Variants in COX16 observed in about 807,000 individuals in gnomAD.
COX16 encodes the protein cytochrome c oxidase assembly factor COX16.
In COX16, 12 loss-of-function variants were observed where a neutral mutation model predicts 15.4. The observed-to-expected ratio is 0.78, with a 90% CI of 0.50 to 1.26. The LOEUF is 1.26. Among genes scored for constraint, COX16 ranks in the 50% most tolerant of loss-of-function variants. COX16 has a pLI of 0.00. For missense variants in COX16, 124 were observed against 127.6 expected (o/e 0.97, Z 0.14); for synonymous variants, 46 against 41.1 (o/e 1.12, Z -0.46).
Position 70,326,436 on chromosome 14 carries a change from G to T in COX16, c.218C>A (p.Ser73Tyr), listed in dbSNP as rs1886078786. 1.9e-6 allele frequency: 3 copies of T among 1,584,546 alleles called. No homozygotes were observed. The highest frequency in any genetic ancestry group is 2.6e-6 in the Non-Finnish European group (3 of 1,168,182). ...LESEYEKIKD[S>Y]KFDDWKNIRG... is the part of the protein sequence containing the mutation. The stretch of plus-strand genomic sequence containing the variant: ...AATATTCTTCCAGTCATCAAACTTG[G>T]AGTCTTTGATTTTCTATAGAACCAC... Residue 73 changes from serine (S) to tyrosine (Y), a missense_variant, in exon 4 of 4, where the codon TCC becomes TAC. Physicochemically the swap from Ser to Tyr is moderately radical, Grantham distance 144. Transcript: ENST00000389912.
At chr14:70,330,815 TTATC>T (rs1299141476) in intron 2 of COX16, among the ~76,000 whole-genome samples, 9 of 152,134 alleles carry the variant, frequency 5.9e-5, no homozygotes, top group African/African-American at 7.2e-5. Context: ...GCACAATTTC[TTATC>T]TATTAAGAGA....
intron 1 of COX16, among the ~76,000 whole-genome samples, chr14:70,354,592 T>A (rs915199225): frequency 1.3e-5 from 2 of 152,176 alleles, no homozygotes; most frequent in African/African-American, 4.8e-5. Context: ...CCTGATCCCA[T>A]GGGGACAGAA....
intron 2 of COX16, among the ~76,000 whole-genome samples, chr14:70,337,108 C>T (rs1213358070): frequency 6.6e-6 from 1 of 152,138 alleles, no homozygotes; most frequent in East Asian, 1.9e-4. Context: ...AACCACCACA[C>T]AGGGCTATAA....
At chr14:70,357,487 G>A (rs1027009420) in intron 1 of COX16, among the ~76,000 whole-genome samples, 3 of 152,172 alleles carry the variant, frequency 2.0e-5, no homozygotes, top group African/African-American at 7.2e-5. Flanking sequence ...AAAGCATGCA[G>A]AGCCTCTCGA....
Position 70,325,233 on chromosome 14 carries a change from C to A in COX16, c.*1100G>T, listed in dbSNP as rs1376570405. ...TAGGCAACTAGAACTCAGCATGAAA[C>A]CAGAAGGTAGAAGCTGATAAAGGCA... On this transcript the variant is annotated 3_prime_UTR_variant, in exon 4 of 4. Coordinates refer to ENST00000389912, the MANE Select transcript of COX16 (RefSeq NM_016468.7). 1.3e-5 allele frequency: 2 copies of A among 152,030 alleles called. No homozygotes were observed. The highest frequency in any genetic ancestry group is 4.8e-5 in the African/African-American group (2 of 41,394). The allele number at this position is 152,030 out of a possible 1,614,324, so 9.4% of individuals were successfully genotyped here.
rs1566594043 is a variant in COX16, at chr14:70,325,702, A to ATATC, written c.*627_*630dup. On this transcript the variant is annotated 3_prime_UTR_variant, in exon 4 of 4. Transcript: ENST00000389912. Reference sequence around the variant, plus strand: ...TATGGATTTACTGAACAAATTTGCCATATCTGCTTATAATCATACACTACT... The same window carrying ATATC: ...TATGGATTTACTGAACAAATTTGCCATATCTATCTGCTTATAATCATACACTACT... 2 of 152,238 alleles carry ATATC rather than the reference A, an allele frequency of 1.3e-5. No individual in the cohort carries two copies. Among genetic ancestry groups the ATATC allele is most frequent in the African/African-American group, 4.8e-5 (2 of 41,470 alleles). 9.4% of individuals were successfully genotyped at this position (152,238 alleles called of 1,614,324 possible). A position where few individuals can be genotyped will look rare whatever the true frequency, so the allele number is the denominator to read the frequency against.
At chr14:70,348,514 T>C (rs1295918290) in intron 1 of COX16, among the ~76,000 whole-genome samples, 1 of 152,110 alleles carries the variant, frequency 6.6e-6, no homozygotes, top group Non-Finnish European at 1.5e-5. Flanking sequence ...GGTTTGTAGA[T>C]GGCAGCTCCT....
intron 3 of COX16, among the ~76,000 whole-genome samples, chr14:70,326,872 A>G (rs1014799335): frequency 1.8e-4 from 28 of 152,332 alleles, no homozygotes; most frequent in African/African-American, 6.3e-4. Context: ...CAAAAAAGAA[A>G]AGAGACCAAG....
intron 1 of COX16, among the ~76,000 whole-genome samples, chr14:70,353,128 G>T (rs1566606289): frequency 4.0e-5 from 6 of 151,792 alleles, no homozygotes. Flanking sequence ...GGGTGTGGTG[G>T]CACGCACCTG....
At chr14:70,331,977 C>A (rs1039365892) in intron 2 of COX16, among the ~76,000 whole-genome samples, 11 of 152,138 alleles carry the variant, frequency 7.2e-5, no homozygotes, top group Non-Finnish European at 1.5e-5. Context: ...CTAGGAAGGT[C>A]GTTTTGAATG....
intron 3 of COX16, 66 bp from the exon 4 acceptor site, chr14:70,326,515 C>CAACT: frequency 8.0e-7 from 1 of 1,254,464 alleles, no homozygotes; most frequent in Non-Finnish European, 1.1e-6. Context: ...GATTAGGACA[C>CAACT]AACTAACTCA....
chr14:70,333,670 A>T (rs1886359456), intron 2 of COX16, among the ~76,000 whole-genome samples: 1 of 152,268 alleles, frequency 6.6e-6, no homozygotes, highest in Non-Finnish European at 1.5e-5. Context: ...AAGCTTATTC[A>T]AAGAAATAAT....
intron 1 of COX16, among the ~76,000 whole-genome samples, chr14:70,345,837 A>ACTGACTGC: frequency 6.6e-6 from 1 of 151,860 alleles, no homozygotes; most frequent in East Asian, 1.9e-4. Context: ...GTTCGATCCA[A>ACTGACTGC]CTGACTGCTA....
chr14:70,356,828 C>T (rs1358001277), intron 1 of COX16, among the ~76,000 whole-genome samples: 1 of 151,950 alleles, frequency 6.6e-6, no homozygotes, highest in Non-Finnish European at 1.5e-5. Context: ...TAAGCAAAAA[C>T]TTGCAACAAT....
intron 1 of COX16, among the ~76,000 whole-genome samples, chr14:70,358,655 G>T (rs1594931742): frequency 6.6e-6 from 1 of 151,938 alleles, no homozygotes; most frequent in Non-Finnish European, 1.5e-5. Context: ...TTTCATCTGC[G>T]CCAACATTCA....
At position 70,359,577 on chromosome 14, in the gene COX16, G is replaced by A. The variant is rs1887238782; in HGVS notation, c.11C>T (p.Pro4Leu). 1 of 1,613,878 alleles carries A rather than the reference G, an allele frequency of 6.2e-7. No homozygotes were observed. The highest frequency in any genetic ancestry group is 8.5e-7 in the Non-Finnish European group (1 of 1,179,976). Reference protein sequence around the residue: MFAPAVMRAFRKNK... With the variant: MFALAVMRAFRKNK... Reference sequence around the variant, plus strand: ...CTTGCGAAAAGCACGCATCACCGCGGGTGCAAACATGAGTGAACTCTTCCA... The same window carrying A: ...CTTGCGAAAAGCACGCATCACCGCGAGTGCAAACATGAGTGAACTCTTCCA... The change falls in exon 1 of 4, where the codon CCC (proline) becomes CTC (leucine). Residue 4 changes from proline (P) to leucine (L), a missense_variant. Physicochemically the swap from Pro to Leu is moderately conservative, Grantham distance 98. Transcript: ENST00000389912.
intron 3 of COX16, among the ~76,000 whole-genome samples, chr14:70,327,942 T>A (rs903891184): frequency 6.6e-6 from 1 of 152,110 alleles, no homozygotes; most frequent in Non-Finnish European, 1.5e-5. Context: ...AAAAACAGTG[T>A]CAAGAATATG....
At chr14:70,328,191 T>G (rs1211766008) in intron 3 of COX16, 1 of 146,854 alleles carries the variant, frequency 6.8e-6, no homozygotes, top group Non-Finnish European at 1.5e-5. Context: ...AGCCAAGCCT[T>G]GACAAGATTC....
At position 70,346,472 on chromosome 14, in the gene COX16, C is replaced by G. The variant is rs141230970; in HGVS notation, c.70-3743G>C. On this transcript the variant is annotated intron_variant, in intron 1 of 3. Transcript: ENST00000389912. ...AGGTAAGCCCACCAGGCCATGCCCC[C>G]TCTGCAGAGGACCCCAATGGAAATT... Among the ~76,000 whole-genome samples the G allele has an allele frequency of 3.0e-3, 455 of 152,308 alleles. 2 individuals are homozygous for G. Among genetic ancestry groups the G allele is most frequent in the African/African-American group, 0.01 (436 of 41,558 alleles).
Sources: gnomAD v4.1 joint callset for allele counts (sites outside exome capture counted in the v4.1 genomes callset) on GRCh38, gnomAD v4.1.1 for gene constraint, MANE v1.5 for transcripts, NCBI Gene and HGNC (gene_info 2026-07-23, HGNC 2026-07-21) for gene names.